BCLAF3: variants seen among roughly 807,000 people sequenced by gnomAD.
BCLAF3 encodes transient octamer binding factor 1.
Under a neutral mutation model 51.2 loss-of-function variants are expected in BCLAF3, and 24 were observed. The observed-to-expected ratio is 0.47, with a 90% CI of 0.34 to 0.66. The LOEUF (loss-of-function observed/expected upper bound fraction) is 0.66, where lower values mean the gene tolerates loss of function less well. Among genes scored for constraint, BCLAF3 ranks in the 30% least tolerant of loss-of-function variants. BCLAF3 has a pLI of 0.01. For missense variants in BCLAF3, 465 were observed against 525.1 expected (o/e 0.89, Z 1.12); for synonymous variants, 152 against 176.6 (o/e 0.86, Z 1.10).
At chrX:19,937,259 C>G in intron 9 of BCLAF3, 159 bp downstream of exon 9, 1 of 449,102 alleles carries the variant, frequency 2.2e-6, no homozygotes, top group Non-Finnish European at 4.0e-6. Context: ...AAGAAATGAC[C>G]ATTTCTTCTG....
Position 19,966,288 on chromosome X carries a change from G to A in BCLAF3, c.403C>T (p.Gln135Ter). The A allele has an allele frequency of 8.3e-7, 1 of 1,211,496 alleles. No homozygotes were observed. The highest frequency in any genetic ancestry group is 1.1e-6 in the Non-Finnish European group (1 of 895,415). ...HERNSYPQKVQGGHSPDDHRV... is the reference protein window; with the variant it reads ...HERNSYPQKV ...TGGTCATCAGGACTATGCCCTCCTTGCACTTTCTGGGGATAAGAATTCCTT... is the reference window on the plus strand; with the variant it reads ...TGGTCATCAGGACTATGCCCTCCTTACACTTTCTGGGGATAAGAATTCCTT... Residue 135 changes from glutamine to a stop codon, truncating the protein, a stop_gained, in exon 3 of 12, where the codon CAA (glutamine) becomes TAA (stop). Coordinates refer to ENST00000379682, the MANE Select transcript of BCLAF3 (RefSeq NM_001367774.2). LOFTEE classifies it high-confidence loss of function.
intron 1 of BCLAF3, among the ~76,000 whole-genome samples, chrX:19,970,920 G>A (rs1230198813): frequency 9.0e-6 from 1 of 111,535 alleles, no homozygotes; most frequent in Non-Finnish European, 1.9e-5. Context: ...ATTCCAAAAA[G>A]AGGAAAAATT....
At position 19,970,614 on chromosome X, in the gene BCLAF3, T is replaced by C. The variant is rs767830187; in HGVS notation, c.-34-316A>G. Among the ~76,000 whole-genome samples, 108 of 111,786 alleles carry C rather than the reference T, an allele frequency of 9.7e-4. No homozygotes were observed. The Admixed American group carries it at 1.0e-2, about 10-fold the overall frequency. On this transcript the variant is annotated intron_variant, in intron 1 of 11. Coordinates refer to ENST00000379682, the MANE Select transcript of BCLAF3 (RefSeq NM_001367774.2). The stretch of plus-strand genomic sequence containing the variant: ...TAAAAATGTAAAAATGTGACAACAT[T>C]GAGATGTGTCGTAAGTGTAAAATCC...
Position 19,990,943 on chromosome X carries a change from GCCGC to G in BCLAF3, c.-74_-71del, listed in dbSNP as rs1385130167. ...AGCCCCCGCCGCCGCCGCCGCCGCC[GCCGC>G]CGCCGCCGCCGCCGCCGCCGCCGCC... On this transcript the variant is annotated 5_prime_UTR_variant, in exon 1 of 12. Transcript: ENST00000379682. Among the ~76,000 whole-genome samples the G allele has an allele frequency of 1.1e-4, 11 of 95,935 alleles. No homozygotes were observed. Among genetic ancestry groups the G allele is most frequent in the African/African-American group, 4.2e-4 (11 of 26,497 alleles). 83.3% of individuals were successfully genotyped at this position (95,935 alleles called of 115,157 possible). A position where few individuals can be genotyped will look rare whatever the true frequency, so the allele number is the denominator to read the frequency against.
chrX:19,942,063 G>A (rs1453743820), intron 8 of BCLAF3, among the ~76,000 whole-genome samples: 3 of 78,754 alleles, frequency 3.8e-5, no homozygotes, highest in East Asian at 7.2e-4. Flanking sequence ...TCATGATTTG[G>A]CTCTCTGTTT....
intron 4 of BCLAF3, among the ~76,000 whole-genome samples, chrX:19,955,957 C>T (rs1300948216): frequency 8.9e-6 from 1 of 112,106 alleles, no homozygotes; most frequent in Non-Finnish European, 1.9e-5. Context: ...TGAAATACTA[C>T]CACACTTTAA....
At chrX:19,983,341 C>T (rs1323587136) in intron 1 of BCLAF3, among the ~76,000 whole-genome samples, 1 of 105,736 alleles carries the variant, frequency 9.5e-6, no homozygotes, top group Non-Finnish European at 1.9e-5. Flanking sequence ...TTTGGGAGGC[C>T]GAGGCAGGCG....
chrX:19,934,329 G>T (rs1186315774), intron 10 of BCLAF3, among the ~76,000 whole-genome samples: 1 of 111,961 alleles, frequency 8.9e-6, no homozygotes, highest in Non-Finnish European at 1.9e-5. Context: ...TCTGACCAAT[G>T]AGAACAACAT....
rs1371345674 is a variant in BCLAF3 at position 19,914,032 on chromosome X, A to G, written c.*3273T>C. On this transcript the variant is annotated 3_prime_UTR_variant, in exon 12 of 12. Transcript: ENST00000379682. The stretch of plus-strand genomic sequence containing the variant: ...GGTATCCCCTCTCTTCTAGGTTCCC[A>G]TTAAATGTCCAGAACCAGAACTCAC... 2.7e-5 allele frequency: 3 copies of G among 111,057 alleles called. No individual in the cohort carries two copies. The highest frequency in any genetic ancestry group is 9.8e-5 in the African/African-American group (3 of 30,489). 9.2% of individuals were successfully genotyped at this position (111,057 alleles called of 1,213,427 possible). A position where few individuals can be genotyped will look rare whatever the true frequency, so the allele number is the denominator to read the frequency against.
chrX:19,972,080 C>T (rs778757156), intron 1 of BCLAF3, among the ~76,000 whole-genome samples: 1 of 112,163 alleles, frequency 8.9e-6, no homozygotes, highest in Non-Finnish European at 1.9e-5. Context: ...TTATACACAG[C>T]CTCTTTCTAA....
At chrX:19,972,966 A>T (rs2072304622) in intron 1 of BCLAF3, among the ~76,000 whole-genome samples, 1 of 112,206 alleles carries the variant, frequency 8.9e-6, no homozygotes, top group Non-Finnish European at 1.9e-5. Flanking sequence ...TTATGTGGAC[A>T]TATGTTTTCA....
intron 10 of BCLAF3, among the ~76,000 whole-genome samples, chrX:19,934,149 A>G (rs1363917774): frequency 7.1e-5 from 8 of 112,343 alleles, no homozygotes; most frequent in Non-Finnish European, 5.6e-5. Context: ...ACTTCTAAGC[A>G]TTCATGTAAT....
intron 10 of BCLAF3, among the ~76,000 whole-genome samples, chrX:19,931,565 C>T (rs1432531646): frequency 8.9e-6 from 1 of 111,777 alleles, no homozygotes; most frequent in Non-Finnish European, 1.9e-5. Context: ...TGAAGAAAAA[C>T]CCTGGGCTGA....
intron 10 of BCLAF3, among the ~76,000 whole-genome samples, chrX:19,932,779 G>A (rs1236982143): frequency 7.2e-5 from 8 of 111,004 alleles, no homozygotes; most frequent in Non-Finnish European, 1.5e-4. Flanking sequence ...TGATCTGCCC[G>A]CCTCAGCCTC....
intron 4 of BCLAF3, among the ~76,000 whole-genome samples, chrX:19,958,702 A>G (rs770190353): frequency 8.9e-6 from 1 of 112,498 alleles, no homozygotes; most frequent in South Asian, 3.7e-4. Flanking sequence ...GGTGTGTAGT[A>G]GGTTACATCA....
chrX:19,937,815 C>T (rs749710820), intron 8 of BCLAF3, among the ~76,000 whole-genome samples: 9 of 112,235 alleles, frequency 8.0e-5, no homozygotes, highest in African/African-American at 2.6e-4. Context: ...TTTCTGGGGG[C>T]TGTAACCCCC....
chrX:19,949,334 C>G (rs2147874120), intron 8 of BCLAF3, among the ~76,000 whole-genome samples: 1 of 112,467 alleles, frequency 8.9e-6, no homozygotes, highest in African/African-American at 3.2e-5. Flanking sequence ...AGCTAGGAAT[C>G]CAAGAGCCAG....
Position 19,915,575 on chromosome X carries a change from G to C in BCLAF3, c.*1730C>G, listed in dbSNP as rs886151045. 3 of 111,521 alleles carry C rather than the reference G, an allele frequency of 2.7e-5. No individual in the cohort carries two copies. Among genetic ancestry groups the C allele is most frequent in the Non-Finnish European group, 5.7e-5 (3 of 53,071 alleles). The allele number at this position is 111,521 out of a possible 1,213,427, so 9.2% of individuals were successfully genotyped here. A position where few individuals can be genotyped will look rare whatever the true frequency, so the allele number is the denominator to read the frequency against. ...TTATGTGTTACAATAAATAAAAAGC[G>C]AGCTATAAAGGCGATTTACCAAGTT... On this transcript the variant is annotated 3_prime_UTR_variant, in exon 12 of 12. Coordinates refer to ENST00000379682, the MANE Select transcript of BCLAF3 (RefSeq NM_001367774.2).
Position 19,984,464 on chromosome X carries a change from C to T in BCLAF3, c.-35+6444G>A, listed in dbSNP as rs190738202. On this transcript the variant is annotated intron_variant, in intron 1 of 11. Coordinates refer to ENST00000379682, the MANE Select transcript of BCLAF3 (RefSeq NM_001367774.2). ...CTGATACTAATGAATACAGTTTCTTCTCAACTGCTCACACCACATTCATCA... is the reference window on the plus strand; with the variant it reads ...CTGATACTAATGAATACAGTTTCTTTTCAACTGCTCACACCACATTCATCA... Among the ~76,000 whole-genome samples, 3 of 110,996 alleles carry T rather than the reference C, an allele frequency of 2.7e-5. No homozygotes were observed. In the Admixed American group the frequency reaches 2.9e-4, roughly 11 times the overall value.
Sources: gnomAD v4.1 joint callset for allele counts (sites outside exome capture counted in the v4.1 genomes callset) on GRCh38, gnomAD v4.1.1 for gene constraint, MANE v1.5 for transcripts, NCBI Gene and HGNC (gene_info 2026-07-23, HGNC 2026-07-21) for gene names.